NDRG4: variants seen among roughly 807,000 people sequenced by gnomAD.
NDRG4 encodes the protein protein NDRG4.
In NDRG4, 38 loss-of-function variants were observed where a neutral mutation model predicts 55.8. The observed-to-expected ratio is 0.68, with a 90% CI of 0.53 to 0.89. The LOEUF is 0.89. NDRG4 is among the 40% of genes least tolerant of loss of function. The pLI is 0.00. For synonymous variants in NDRG4, 190 were observed against 182.7 expected, an observed-to-expected ratio of 1.04 and a Z score of -0.32; for missense variants, 455 against 468.6, an observed-to-expected ratio of 0.97 and a Z score of 0.27.
downstream of NDRG4, among the ~76,000 whole-genome samples, chr16:58,514,315 T>A (rs1209086463): frequency 6.6e-6 from 1 of 152,206 alleles, no homozygotes; most frequent in Non-Finnish European, 1.5e-5. Context: ...AAAACTAATT[T>A]TAATTATTTA....
chr16:58,501,138 G>C (rs966887759), intron 1 of NDRG4: 2 of 1,139,366 alleles, frequency 1.8e-6, no homozygotes, highest in Non-Finnish European at 1.1e-6. Context: ...CCCCACCCCC[G>C]GGCCCCACAC....
intron 1 of NDRG4, among the ~76,000 whole-genome samples, chr16:58,474,514 A>G (rs927256686): frequency 1.3e-5 from 2 of 150,194 alleles, no homozygotes; most frequent in South Asian, 4.2e-4. Context: ...GTGGCTTCTC[A>G]CTCTTACCAC....
At chr16:58,510,541 T>G in intron 13 of NDRG4, 104 bp from the exon 14 acceptor site, 1 of 974,188 alleles carries the variant, frequency 1.0e-6, no homozygotes, top group Non-Finnish European at 1.6e-6. Flanking sequence ...CTTTGTCCCA[T>G]CTCTCTGGCT....
intron 4 of NDRG4, 42 bp from the exon 5 acceptor site, chr16:58,504,547 T>G (rs767580919): frequency 6.2e-7 from 1 of 1,613,542 alleles, no homozygotes; most frequent in South Asian, 1.1e-5. Context: ...GTATGGGAAA[T>G]GGCACCCCTA....
At chr16:58,473,626 C>G (rs1303359112) in intron 1 of NDRG4, among the ~76,000 whole-genome samples, 1 of 152,200 alleles carries the variant, frequency 6.6e-6, no homozygotes, top group East Asian at 1.9e-4. Flanking sequence ...CCTAACTTCT[C>G]TCTTCCTCTC....
At chr16:58,487,084 G>A (rs989335337) in intron 1 of NDRG4, among the ~76,000 whole-genome samples, 1 of 152,134 alleles carries the variant, frequency 6.6e-6, no homozygotes, top group African/African-American at 2.4e-5. Context: ...CTCGGCAGGG[G>A]ACTTCTGTCT....
chr16:58,494,600 G>A (rs186695945), intron 2 of NDRG4, among the ~76,000 whole-genome samples: 49 of 152,278 alleles, frequency 3.2e-4, no homozygotes, highest in African/African-American at 1.1e-3. Flanking sequence ...ACGCTCACAC[G>A]CTCCTCCACC....
At chr16:58,501,488 A>C (rs1235364069) in intron 1 of NDRG4, 1 of 166,708 alleles carries the variant, frequency 6.0e-6, no homozygotes, top group Non-Finnish European at 1.3e-5. Flanking sequence ...CTCGGCCCTG[A>C]GGGTTGGGGG....
intron 2 of NDRG4, among the ~76,000 whole-genome samples, chr16:58,492,488 CCG>C (rs2035890746): frequency 7.1e-6 from 1 of 140,308 alleles, no homozygotes; most frequent in South Asian, 2.4e-4. Context: ...ATCTGCTCCA[CCG>C]TGTGTGTGTG....
chr16:58,507,639 T>C, intron 8 of NDRG4, 169 bp from the exon 9 acceptor site: 1 of 622,610 alleles, frequency 1.6e-6, no homozygotes, highest in Non-Finnish European at 2.8e-6. Flanking sequence ...AGAGCCCACC[T>C]GGTATGTGCT....
chr16:58,464,435 A>G lies in NDRG4; in HGVS notation c.-24+638A>G. ...CGGGCCGCGCCGGGCGCCGAGATGA[A>G]GGTGCTGGGACACCGGCTGGAGCTG... On this transcript the variant is annotated intron_variant, in intron 1 of 15. Coordinates refer to the NDRG4 transcript ENST00000258187. This position sits in a 1 kb window ranked among gnomAD's most constrained non-coding sequence, Gnocchi z 4.8. 1 of 1,363,268 alleles carries G rather than the reference A, an allele frequency of 7.3e-7. No homozygotes were observed. The highest frequency in any genetic ancestry group is 9.4e-7 in the Non-Finnish European group (1 of 1,060,624). The allele number at this position is 1,363,268 out of a possible 1,614,324, so 84.4% of individuals were successfully genotyped here. A position where few individuals can be genotyped will look rare whatever the true frequency, so the allele number is the denominator to read the frequency against.
At chr16:58,484,037 TC>T (rs1197817955) in intron 1 of NDRG4, among the ~76,000 whole-genome samples, 1 of 152,184 alleles carries the variant, frequency 6.6e-6, no homozygotes, top group African/African-American at 2.4e-5. Flanking sequence ...GCCACTGCAC[TC>T]CAGCCTAGAG....
At chr16:58,465,479 CT>C (rs1320038230) in intron 1 of NDRG4, among the ~76,000 whole-genome samples, 1 of 142,140 alleles carries the variant, frequency 7.0e-6, no homozygotes, top group Non-Finnish European at 1.5e-5. Context: ...GGCCCATGCT[CT>C]GGGGTGTGAG....
At chr16:58,472,654 C>A (rs1427868719) in intron 1 of NDRG4, among the ~76,000 whole-genome samples, 1 of 152,188 alleles carries the variant, frequency 6.6e-6, no homozygotes, top group East Asian at 1.9e-4. Flanking sequence ...TGGGGTGTCC[C>A]TGGCCAGCAC....
chr16:58,502,361 A>G (rs2037277310), intron 1 of NDRG4, among the ~76,000 whole-genome samples: 1 of 152,054 alleles, frequency 6.6e-6, no homozygotes, highest in South Asian at 2.1e-4. Flanking sequence ...GGGTGGTGCA[A>G]TCAGCCGCAT....
intron 1 of NDRG4, among the ~76,000 whole-genome samples, chr16:58,470,907 CAAA>C (rs58487534): frequency 1.5e-5 from 2 of 133,030 alleles, no homozygotes. Flanking sequence ...ACACCATCTC[CAAA>C]AAAAAAAAAA....
In NDRG4 at chr16:58,464,128, A is replaced by T; in HGVS notation, c.-24+331A>T. ...CGGCGGGCACGGGGGACCACCTCCC[A>T]CGGTGTCACCGCACCCACCCCGCGC... On this transcript the variant is annotated intron_variant, in intron 1 of 15. Coordinates refer to the NDRG4 transcript ENST00000258187. This position sits in a 1 kb window ranked among gnomAD's most constrained non-coding sequence, Gnocchi z 4.8. The T allele has an allele frequency of 3.0e-6, 1 of 328,722 alleles. No individual in the cohort carries two copies. Among genetic ancestry groups the T allele is most frequent in the Non-Finnish European group, 5.5e-6 (1 of 182,270 alleles). The allele number at this position is 328,722 out of a possible 1,614,324, so 20.4% of individuals were successfully genotyped here. A position where few individuals can be genotyped will look rare whatever the true frequency, so the allele number is the denominator to read the frequency against.
chr16:58,464,887 G>A lies in NDRG4; in HGVS notation c.-24+1090G>A. On this transcript the variant is annotated intron_variant, in intron 1 of 15. Coordinates refer to the NDRG4 transcript ENST00000258187. This position sits in a 1 kb window ranked among gnomAD's most constrained non-coding sequence, Gnocchi z 4.8. Reference sequence around the variant, plus strand: ...ATCTGAGCCGTCTTTCTCTGGGGGAGAAGTTTCTTGCTGGGAGTGGAGGCG... The same window carrying A: ...ATCTGAGCCGTCTTTCTCTGGGGGAAAAGTTTCTTGCTGGGAGTGGAGGCG... The A allele has an allele frequency of 8.5e-7, 1 of 1,179,214 alleles. No homozygotes were observed. Among genetic ancestry groups the A allele is most frequent in the Non-Finnish European group, 1.1e-6 (1 of 940,604 alleles). 73.0% of individuals were successfully genotyped at this position (1,179,214 alleles called of 1,614,324 possible). A position where few individuals can be genotyped will look rare whatever the true frequency, so the allele number is the denominator to read the frequency against.
At chr16:58,484,491 T>TGTTGAATGA (rs1257995104) in intron 1 of NDRG4, among the ~76,000 whole-genome samples, 7 of 152,252 alleles carry the variant, frequency 4.6e-5, no homozygotes, top group Non-Finnish European at 8.8e-5. Flanking sequence ...TAAAGCAAGC[T>TGTTGAATGA]GTTGAATGAT....
Sources: allele counts gnomAD v4.1 joint callset (sites outside exome capture counted in the v4.1 genomes callset), GRCh38; gene constraint gnomAD v4.1.1; non-coding constraint Gnocchi (gnomAD v3.1); transcripts MANE v1.5; gene names NCBI Gene and HGNC (gene_info 2026-07-23, HGNC 2026-07-21).